Variants in FSTL5 observed in about 807,000 individuals in gnomAD.
FSTL5 encodes follistatin-related protein 5.
Under a neutral mutation model 89.1 loss-of-function variants are expected in FSTL5, and 62 were observed. That is an observed-to-expected ratio of 0.70 (90% CI 0.57 to 0.86). The LOEUF is 0.86. Ranked by LOEUF, FSTL5 falls within the 40% of genes least tolerant of loss-of-function variation. The pLI is 0.00. For missense variants in FSTL5, 1,057 were observed against 1,001.6 expected (o/e 1.06, Z -0.75); for synonymous variants, 383 against 346.2 (o/e 1.11, Z -1.18).
At chr4:161,771,432 C>T (rs568329058) in intron 5 of FSTL5, among the ~76,000 whole-genome samples, 1 of 152,086 alleles carries the variant, frequency 6.6e-6, no homozygotes, top group Admixed American at 6.5e-5. Flanking sequence ...AACTAAGACA[C>T]AGAAGCTTTA....
chr4:161,835,479 T>C (rs1731006947), intron 4 of FSTL5, among the ~76,000 whole-genome samples: 1 of 152,026 alleles, frequency 6.6e-6, no homozygotes, highest in Non-Finnish European at 1.5e-5. Flanking sequence ...AAAGAGCTTC[T>C]GCACAGCAAA....
rs1028565276 is a variant in FSTL5, at chr4:162,031,409, T to A, written c.160+2216A>T. Among the ~76,000 whole-genome samples, 90 of 152,210 alleles carry A rather than the reference T, an allele frequency of 5.9e-4. 1 individual carries two copies. Among genetic ancestry groups the A allele is most frequent in the African/African-American group, 2.2e-3 (90 of 41,470 alleles). ...AATCAATGAATATAAAATATTTGATTTTCAGAATTTTTGTCATTTGCCAAT... is the reference window on the plus strand; with the variant it reads ...AATCAATGAATATAAAATATTTGATATTCAGAATTTTTGTCATTTGCCAAT... On this transcript the variant is annotated intron_variant, in intron 3 of 15. Coordinates refer to ENST00000306100, the MANE Select transcript of FSTL5 (RefSeq NM_020116.5).
chr4:161,637,505 T>G (rs1311476765), intron 7 of FSTL5, among the ~76,000 whole-genome samples: 1 of 151,982 alleles, frequency 6.6e-6, no homozygotes, highest in Non-Finnish European at 1.5e-5. Flanking sequence ...TTGTTGCCAT[T>G]GCTTTTGGTG....
intron 3 of FSTL5, among the ~76,000 whole-genome samples, chr4:161,966,734 A>G (rs769472490): frequency 2.0e-5 from 3 of 152,090 alleles, no homozygotes; most frequent in Non-Finnish European, 4.4e-5. Flanking sequence ...TGACACGTCC[A>G]TCTTGGACTT....
intron 6 of FSTL5, among the ~76,000 whole-genome samples, chr4:161,757,151 T>C (rs1165300057): frequency 6.6e-6 from 1 of 152,192 alleles, no homozygotes; most frequent in African/African-American, 2.4e-5. Context: ...ATTTATGTTA[T>C]TCTTTCTATC....
At chr4:161,690,921 C>A (rs1737920428) in intron 6 of FSTL5, among the ~76,000 whole-genome samples, 1 of 152,046 alleles carries the variant, frequency 6.6e-6, no homozygotes, top group African/African-American at 2.4e-5. Flanking sequence ...TCTGTTCCTG[C>A]ATCAGTTTGC....
chr4:161,439,449 C>G (rs893765574), intron 15 of FSTL5, among the ~76,000 whole-genome samples: 1 of 152,190 alleles, frequency 6.6e-6, no homozygotes, highest in Non-Finnish European at 1.5e-5. Context: ...TAACCATGTA[C>G]TCTTGTGTGA....
chr4:161,635,759 G>A (rs1334198760), intron 7 of FSTL5, among the ~76,000 whole-genome samples: 3 of 152,092 alleles, frequency 2.0e-5, no homozygotes, highest in Non-Finnish European at 4.4e-5. Flanking sequence ...TTTCTCCACT[G>A]AAAGAAATGT....
intron 15 of FSTL5, among the ~76,000 whole-genome samples, chr4:161,427,408 C>T (rs946086981): frequency 2.0e-5 from 3 of 152,148 alleles, no homozygotes; most frequent in Non-Finnish European, 4.4e-5. Context: ...GAATCTAGTG[C>T]TGATACTAAA....
At chr4:161,911,432 T>C (rs952194361) in intron 4 of FSTL5, among the ~76,000 whole-genome samples, 2 of 152,158 alleles carry the variant, frequency 1.3e-5, no homozygotes, top group Admixed American at 6.6e-5. Context: ...CAATTATTTG[T>C]GTGCTCTTTA....
At chr4:161,966,694 C>G (rs1414095326) in intron 3 of FSTL5, among the ~76,000 whole-genome samples, 2 of 152,110 alleles carry the variant, frequency 1.3e-5, no homozygotes, top group African/African-American at 2.4e-5. Context: ...AGACCCTTCT[C>G]TCGCTGCCCT....
chr4:161,540,924 C>T lies in FSTL5; in HGVS notation c.1177+1608G>A, dbSNP rs925761707. 5.3e-5 allele frequency among the ~76,000 whole-genome samples: 8 copies of T among 152,206 alleles called. No homozygotes were observed. In the East Asian group the frequency reaches 7.7e-4, roughly 15 times the overall value. ...TTAACTTTCTCTTCTTCCATATTAT[C>T]ACCTAGTCTCCTGTCTCTTGATGAA... On this transcript the variant is annotated intron_variant, in intron 9 of 15. Coordinates refer to ENST00000306100, the MANE Select transcript of FSTL5 (RefSeq NM_020116.5).
chr4:161,407,951 G>A (rs934144245), intron 15 of FSTL5, among the ~76,000 whole-genome samples: 2 of 152,194 alleles, frequency 1.3e-5, no homozygotes, highest in African/African-American at 4.8e-5. Context: ...TAGTACCAGA[G>A]AGCTGTGGCC....
intron 1 of FSTL5, among the ~76,000 whole-genome samples, chr4:162,150,162 T>C (rs1336236303): frequency 6.6e-6 from 1 of 151,572 alleles, no homozygotes; most frequent in Non-Finnish European, 1.5e-5. Flanking sequence ...GGCCAAGTGC[T>C]TCCTAGAAAG....
chr4:161,822,615 C>T (rs1730525851), intron 4 of FSTL5, among the ~76,000 whole-genome samples: 1 of 152,156 alleles, frequency 6.6e-6, no homozygotes, highest in Non-Finnish European at 1.5e-5. Context: ...GTGTCACAGC[C>T]CTGGCCCAGC....
chr4:161,501,200 T>A (rs1286215029), intron 11 of FSTL5, among the ~76,000 whole-genome samples: 1 of 152,182 alleles, frequency 6.6e-6, no homozygotes, highest in Non-Finnish European at 1.5e-5. Context: ...AAGAGAAAGA[T>A]AATTTATTTA....
chr4:161,510,562 T>C (rs1730619596), intron 10 of FSTL5, 138 bp from the exon 11 acceptor site: 1 of 498,198 alleles, frequency 2.0e-6, no homozygotes, highest in Non-Finnish European at 3.5e-6. Context: ...GTTAATTCAG[T>C]GAGCTACTTT....
intron 5 of FSTL5, among the ~76,000 whole-genome samples, chr4:161,769,074 T>C (rs1317604676): frequency 6.6e-6 from 1 of 151,856 alleles, no homozygotes; most frequent in Non-Finnish European, 1.5e-5. Context: ...TATATGCCAA[T>C]AAATTGAAAA....
intron 2 of FSTL5, among the ~76,000 whole-genome samples, chr4:162,093,047 A>T (rs765440389): frequency 6.6e-6 from 1 of 151,808 alleles, no homozygotes; most frequent in Non-Finnish European, 1.5e-5. Context: ...ATTGAAATAA[A>T]CTCCTAGATT....
Sources: gnomAD v4.1 joint callset for allele counts (sites outside exome capture counted in the v4.1 genomes callset) on GRCh38, gnomAD v4.1.1 for gene constraint, MANE v1.5 for transcripts, NCBI Gene and HGNC (gene_info 2026-07-23, HGNC 2026-07-21) for gene names.